The following DENND1A variants were observed in gnomAD, a reference collection of about 807,000 sequenced individuals.
DENND1A encodes the protein DENN domain containing 1A, also known as DENN domain-containing protein 1A.
A neutral mutation model predicts 113.7 loss-of-function variants in DENND1A; 51 were observed. That is an observed-to-expected ratio of 0.45 (90% confidence interval 0.36 to 0.57). The LOEUF (loss-of-function observed/expected upper bound fraction) is 0.57, where lower values mean the gene tolerates loss of function less well. Ranked by LOEUF, DENND1A falls within the 20% of genes least tolerant of loss-of-function variation. DENND1A has a pLI of 0.00. For synonymous variants in DENND1A, 565 were observed against 570.8 expected, an observed-to-expected ratio of 0.99 and a Z score of 0.14; for missense variants, 1,258 against 1,395.9, an observed-to-expected ratio of 0.90 and a Z score of 1.57.
At chr9:123,628,905 T>G (rs1427334799) in intron 10 of DENND1A, among the ~76,000 whole-genome samples, 4 of 152,182 alleles carry the variant, frequency 2.6e-5, no homozygotes, top group African/African-American at 4.8e-5. Context: ...CTCACCTTGA[T>G]AAGAAAGACA....
At chr9:123,470,751 T>C (rs1390385800) in intron 13 of DENND1A, among the ~76,000 whole-genome samples, 2 of 152,144 alleles carry the variant, frequency 1.3e-5, no homozygotes, top group Non-Finnish European at 2.9e-5. Flanking sequence ...TGCCCACCCA[T>C]CGCTTGGTGA....
At chr9:123,403,089 C>T (rs920448677) in intron 21 of DENND1A, among the ~76,000 whole-genome samples, 4 of 152,190 alleles carry the variant, frequency 2.6e-5, no homozygotes, top group Non-Finnish European at 5.9e-5. Context: ...CTAACCCTCA[C>T]CTACTGACTC....
chr9:123,614,639 G>C (rs1229056806), intron 10 of DENND1A, among the ~76,000 whole-genome samples: 3 of 151,944 alleles, frequency 2.0e-5, no homozygotes, highest in Non-Finnish European at 4.4e-5. Flanking sequence ...GAGGGGAGAG[G>C]AAACAAGGGA....
chr9:123,911,699 C>CT (rs112974905), intron 1 of DENND1A, among the ~76,000 whole-genome samples: 178 of 145,686 alleles, frequency 1.2e-3, no homozygotes, highest in Admixed American at 2.1e-3. Context: ...TTTTTTTTTT[C>CT]TTTTTTTTTT....
chr9:123,719,956 T>C (rs1343893879), intron 5 of DENND1A, among the ~76,000 whole-genome samples: 1 of 152,210 alleles, frequency 6.6e-6, no homozygotes, highest in African/African-American at 2.4e-5. Flanking sequence ...CAAATGAAGA[T>C]AGCAATACTT....
chr9:123,686,517 C>G (rs375484272), intron 5 of DENND1A, among the ~76,000 whole-genome samples: 8 of 152,246 alleles, frequency 5.3e-5, no homozygotes, highest in African/African-American at 1.9e-4. Context: ...TGCCTCCCAA[C>G]AATTCAGCGT....
chr9:123,697,390 T>A (rs1390915920), intron 5 of DENND1A, among the ~76,000 whole-genome samples: 1 of 152,232 alleles, frequency 6.6e-6, no homozygotes, highest in East Asian at 1.9e-4. Context: ...AATTTTATTC[T>A]ATTTTTATTT....
At chr9:123,865,549 C>T (rs1439937271) in intron 2 of DENND1A, among the ~76,000 whole-genome samples, 5 of 152,174 alleles carry the variant, frequency 3.3e-5, no homozygotes, top group African/African-American at 1.2e-4. Flanking sequence ...GGGATGTCCC[C>T]CCAGGGCAGA....
intron 13 of DENND1A, among the ~76,000 whole-genome samples, chr9:123,520,570 G>T (rs927774685): frequency 3.9e-5 from 6 of 152,274 alleles, no homozygotes; most frequent in Non-Finnish European, 5.9e-5. Context: ...CATGTAGGCT[G>T]ATGCCTGCAG....
intron 16 of DENND1A, among the ~76,000 whole-genome samples, chr9:123,454,491 C>T (rs888472278): frequency 6.6e-6 from 1 of 152,226 alleles, no homozygotes; most frequent in Non-Finnish European, 1.5e-5. Flanking sequence ...ATTCAGCTCT[C>T]CTTGGCTGGT....
chr9:123,683,612 C>T (rs1350755180), intron 5 of DENND1A, among the ~76,000 whole-genome samples: 1 of 152,022 alleles, frequency 6.6e-6, no homozygotes, highest in African/African-American at 2.4e-5. Context: ...CTTTTGGTCC[C>T]CATTTAAATT....
At chr9:123,828,914 G>A (rs1487514420) in intron 2 of DENND1A, among the ~76,000 whole-genome samples, 1 of 152,170 alleles carries the variant, frequency 6.6e-6, no homozygotes, top group Non-Finnish European at 1.5e-5. Flanking sequence ...CTACAGCAAA[G>A]TGAAGCTTCT....
rs187919282 is a variant in DENND1A, at chr9:123,554,043, A to T, written c.993+3527T>A. On this transcript the variant is annotated intron_variant, in intron 13 of 23. Transcript: ENST00000394215. ...AGTGCTGGGATTATAGGCGTGAGCCAATGAAGAGCAGGTGCTATTTTTATA... is the reference window on the plus strand; with the variant it reads ...AGTGCTGGGATTATAGGCGTGAGCCTATGAAGAGCAGGTGCTATTTTTATA... Among the ~76,000 whole-genome samples, 6 of 152,336 alleles carry T rather than the reference A, an allele frequency of 3.9e-5. No individual in the cohort carries two copies. In the East Asian group the frequency reaches 1.2e-3, roughly 29 times the overall value.
chr9:123,468,333 T>C (rs1052348860), intron 13 of DENND1A, among the ~76,000 whole-genome samples: 2 of 152,202 alleles, frequency 1.3e-5, no homozygotes, highest in Admixed American at 1.3e-4. Flanking sequence ...CAGAATTACC[T>C]GGGTTATTTT....
chr9:123,822,183 A>G (rs183595239), intron 2 of DENND1A, among the ~76,000 whole-genome samples: 81 of 152,348 alleles, frequency 5.3e-4, no homozygotes, highest in African/African-American at 1.9e-3. Context: ...CAAACTGATA[A>G]TACTAAAGCC....
chr9:123,564,605 T>C (rs10760291), intron 12 of DENND1A, among the ~76,000 whole-genome samples: 54,431 of 152,182 alleles, frequency 0.36, 10,411 homozygotes, highest in African/African-American at 0.49. Flanking sequence ...AATTCTGCAT[T>C]GTCCAACAGA....
chr9:123,706,809 CA>C (rs1475606553), intron 5 of DENND1A, among the ~76,000 whole-genome samples: 1 of 136,790 alleles, frequency 7.3e-6, no homozygotes, highest in African/African-American at 2.7e-5. Context: ...AGAGAAGGGT[CA>C]AAAACAACTC....
At chr9:123,728,506 A>AACAAAAAAAAAAAAAAAAC (rs2067909310) in intron 5 of DENND1A, among the ~76,000 whole-genome samples, 2 of 145,814 alleles carry the variant, frequency 1.4e-5, no homozygotes, top group African/African-American at 5.4e-5. Context: ...AAAAAAAAAA[A>AACAAAAAAAAAAAAAAAAC]AAAACAGGCA....
intron 5 of DENND1A, among the ~76,000 whole-genome samples, chr9:123,741,546 T>C (rs1042563141): frequency 1.3e-5 from 2 of 152,248 alleles, no homozygotes; most frequent in African/African-American, 4.8e-5. Flanking sequence ...TCAGTTACTA[T>C]GCTGGTTTAC....
Sources: gnomAD v4.1 joint callset for allele counts (sites outside exome capture counted in the v4.1 genomes callset) on GRCh38, gnomAD v4.1.1 for gene constraint, MANE v1.5 for transcripts, NCBI Gene and HGNC (gene_info 2026-07-23, HGNC 2026-07-21) for gene names.